Variants in ZNF664 observed in about 807,000 individuals in gnomAD.
ZNF664 encodes the protein zinc finger Organ of Corti 1.
Under a neutral mutation model 18.2 loss-of-function variants are expected in ZNF664, and 10 were observed. The observed-to-expected ratio is 0.55, with a 90% CI of 0.34 to 0.93. The LOEUF is 0.93. Ranked by LOEUF, ZNF664 falls within the 40% of genes least tolerant of loss-of-function variation. The pLI, the probability that ZNF664 is intolerant of heterozygous loss-of-function variation, is 0.02. For synonymous variants in ZNF664, 119 were observed against 104.2 expected, an observed-to-expected ratio of 1.14 and a Z score of -0.86; for missense variants, 193 against 319.0, an observed-to-expected ratio of 0.61 and a Z score of 3.01.
intron 3 of ZNF664, among the ~76,000 whole-genome samples, chr12:124,005,501 G>GTC (rs1234320816): frequency 7.5e-5 from 11 of 145,966 alleles, no homozygotes; most frequent in African/African-American, 2.3e-4. Context: ...GTGTGTGTGT[G>GTC]TGTGTGTGTG....
chr12:123,992,659 A>C (rs1196446044), intron 3 of ZNF664, among the ~76,000 whole-genome samples: 2 of 152,212 alleles, frequency 1.3e-5, no homozygotes, highest in African/African-American at 4.8e-5. Context: ...AGGATGCTGC[A>C]TGAATGACAG....
At chr12:123,984,242 G>T (rs1956799437) in intron 2 of ZNF664, among the ~76,000 whole-genome samples, 2 of 152,184 alleles carry the variant, frequency 1.3e-5, no homozygotes, top group Non-Finnish European at 2.9e-5. Flanking sequence ...TTTATGCAGT[G>T]AGTGTAGAAC....
At chr12:123,990,139 AG>A (rs1956872815) in intron 3 of ZNF664, among the ~76,000 whole-genome samples, 1 of 152,162 alleles carries the variant, frequency 6.6e-6, no homozygotes, top group African/African-American at 2.4e-5. Flanking sequence ...GAGAGGTAAA[AG>A]GGGAGTTGTT....
intron 1 of ZNF664, chr12:123,973,628 C>A: frequency 2.0e-6 from 1 of 493,776 alleles, no homozygotes; most frequent in Non-Finnish European, 2.7e-6. Flanking sequence ...GCGCAGATGG[C>A]GGCCGGTGCG....
chr12:123,973,404 CG>C (rs1956620622), intron 1 of ZNF664, 52 bp downstream of exon 1: 3 of 202,578 alleles, frequency 1.5e-5, no homozygotes, highest in Non-Finnish European at 1.9e-5. Flanking sequence ...CGGAGGGAGG[CG>C]GGGGCCGGGG....
At chr12:123,976,940 C>T (rs573917546) in intron 2 of ZNF664, among the ~76,000 whole-genome samples, 164 of 152,072 alleles carry the variant, frequency 1.1e-3, no homozygotes, top group Non-Finnish European at 6.5e-4. Context: ...ATTAGCTGGG[C>T]GTGGTGGCAG....
chr12:124,011,764 G>C lies in ZNF664; in HGVS notation c.-381G>C, dbSNP rs1957138061. On this transcript the variant is annotated 5_prime_UTR_variant, in exon 5 of 5. Transcript: ENST00000337815. ...ACTGTACAGTCCTTTTTCTAGAAGT[G>C]AGACATACAAGATTACTCTACAAGA... The C allele has an allele frequency of 9.3e-7, 1 of 1,076,668 alleles. No homozygotes were observed. Among genetic ancestry groups the C allele is most frequent in the South Asian group, 3.3e-5 (1 of 30,500 alleles). 66.7% of individuals were successfully genotyped at this position (1,076,668 alleles called of 1,614,324 possible). A position where few individuals can be genotyped will look rare whatever the true frequency, so the allele number is the denominator to read the frequency against.
At chr12:123,991,463 G>A (rs1956888190) in intron 3 of ZNF664, among the ~76,000 whole-genome samples, 2 of 152,192 alleles carry the variant, frequency 1.3e-5, no homozygotes, top group Admixed American at 6.5e-5. Flanking sequence ...ATCATCAGGT[G>A]TTTGGAAGCC....
At chr12:123,980,759 A>T (rs996501594) in intron 2 of ZNF664, among the ~76,000 whole-genome samples, 1 of 152,222 alleles carries the variant, frequency 6.6e-6, no homozygotes, top group African/African-American at 2.4e-5. Flanking sequence ...TATGTAGAAG[A>T]AATTAGATGG....
chr12:123,973,751 C>T (rs1319877373), intron 1 of ZNF664, 135 bp from the exon 2 acceptor site: 3 of 1,221,522 alleles, frequency 2.5e-6, no homozygotes, highest in Admixed American at 4.3e-5. Context: ...CGCTGCCGCC[C>T]TCGTCGCCCG....
intron 2 of ZNF664, among the ~76,000 whole-genome samples, chr12:123,984,635 G>T (rs77327435): frequency 0.041 from 6,279 of 151,954 alleles, 403 homozygotes; most frequent in African/African-American, 0.13. Flanking sequence ...GGAGAGAGTT[G>T]GTTTCAAAGT....
At chr12:123,978,213 T>C (rs1037361539) in intron 2 of ZNF664, among the ~76,000 whole-genome samples, 8 of 150,650 alleles carry the variant, frequency 5.3e-5, no homozygotes, top group Non-Finnish European at 1.0e-4. Context: ...TTGTGGCAAA[T>C]GATAAGCTAA....
At chr12:124,007,457 C>T (rs997092641) in intron 3 of ZNF664, among the ~76,000 whole-genome samples, 1 of 152,232 alleles carries the variant, frequency 6.6e-6, no homozygotes, top group Non-Finnish European at 1.5e-5. Flanking sequence ...GTGCTGCTGC[C>T]TTTGTCTTTT....
At chr12:123,987,930 C>T (rs1956843658) in intron 2 of ZNF664, 113 bp from the exon 3 acceptor site, 2 of 1,219,614 alleles carry the variant, frequency 1.6e-6, no homozygotes, top group South Asian at 4.3e-5. Flanking sequence ...TAGGTCTGTC[C>T]TATCTTCTGA....
intron 4 of ZNF664, 50 bp downstream of exon 4, chr12:124,011,491 A>T (rs774043833): frequency 6.2e-6 from 5 of 809,294 alleles, no homozygotes; most frequent in Non-Finnish European, 6.0e-6. Context: ...TGGAATCAAT[A>T]GCAGTTTTCC....
rs137963321 is a variant in ZNF664, at chr12:124,005,524, T to TGTGTGTGTGTGA, written c.-660-5856_-660-5855insTGTGTGTGTGAG. Among the ~76,000 whole-genome samples the TGTGTGTGTGTGA allele has an allele frequency of 2.4e-3, 355 of 147,326 alleles. 3 individuals carry two copies. The highest frequency in any genetic ancestry group is 6.1e-3 in the African/African-American group (239 of 39,448). On this transcript the variant is annotated intron_variant, in intron 3 of 4. Coordinates refer to ENST00000337815, the MANE Select transcript of ZNF664 (RefSeq NM_152437.3). ...GTGTGTGTGTGTGTGTGTGTGTGTG[T>TGTGTGTGTGTGA]GAGAGATAGGCCAGCATGTCTGTAT...
At chr12:123,983,915 A>C (rs1956795025) in intron 2 of ZNF664, among the ~76,000 whole-genome samples, 1 of 152,252 alleles carries the variant, frequency 6.6e-6, no homozygotes, top group East Asian at 1.9e-4. Context: ...GAGAACCTGC[A>C]CAAAGCGGGT....
In ZNF664 at chr12:124,012,474, A is replaced by G. The variant is rs941797642; in HGVS notation, c.330A>G (p.Thr110=). 15 of 1,614,108 alleles carry G rather than the reference A, an allele frequency of 9.3e-6. No individual in the cohort carries two copies. Among genetic ancestry groups the G allele is most frequent in the Non-Finnish European group, 1.3e-5 (15 of 1,180,056 alleles). The stretch of plus-strand genomic sequence containing the variant: ...TTCAAATTCATATGAGAGTTCATAC[A>G]GGTGAGAAACCGTATGTCTGTAGTG... ...SHLQIHMRVH[T]GEKPYVCSEC... Residue 110 remains threonine (T), a synonymous_variant, in exon 5 of 5, where the codon ACA becomes ACG. Transcript: ENST00000337815.
chr12:124,001,766 C>T (rs1957015396), intron 3 of ZNF664, among the ~76,000 whole-genome samples: 1 of 152,232 alleles, frequency 6.6e-6, no homozygotes. Flanking sequence ...TAGACTGCAG[C>T]TTGCACTCGG....
Sources: gnomAD v4.1 joint callset for allele counts (sites outside exome capture counted in the v4.1 genomes callset) on GRCh38, gnomAD v4.1.1 for gene constraint, MANE v1.5 for transcripts, NCBI Gene and HGNC (gene_info 2026-07-23, HGNC 2026-07-21) for gene names.